SEMA6A: variants seen among roughly 807,000 people sequenced by gnomAD.
SEMA6A encodes semaphorin-6A.
In SEMA6A, 25 loss-of-function variants were observed where a neutral mutation model predicts 96.8. The ratio of observed to expected loss-of-function variants is 0.26; its 90% CI spans 0.19 to 0.36. The LOEUF (loss-of-function observed/expected upper bound fraction) is 0.36, where lower values mean the gene tolerates loss of function less well. Ranked by LOEUF, SEMA6A falls within the 10% of genes least tolerant of loss-of-function variation. The pLI, the probability that SEMA6A is intolerant of heterozygous loss-of-function variation, is 1.00. For synonymous variants in SEMA6A, 612 were observed against 518.0 expected, an observed-to-expected ratio of 1.18 and a Z score of -2.46; for missense variants, 1,363 against 1,323.1, an observed-to-expected ratio of 1.03 and a Z score of -0.47.
At chr5:116,554,209 T>C (rs1760521435) in intron 1 of SEMA6A, among the ~76,000 whole-genome samples, 1 of 152,182 alleles carries the variant, frequency 6.6e-6, no homozygotes. Flanking sequence ...TCCAATAGTA[T>C]TAATAATAAG....
At position 116,447,741 on chromosome 5, in the gene SEMA6A, G is replaced by T. The variant is rs1295167141; in HGVS notation, c.1965C>A (p.Val655=). The change falls in exon 19 of 19, where the codon GTC becomes GTA. Residue 655 remains valine (V), a synonymous_variant. Transcript: ENST00000343348. ...CGGCCCCCATGACGAAAGCCAGGATGACTGCAATGGCCAAGAGGGTGACGG... is the reference window on the plus strand; with the variant it reads ...CGGCCCCCATGACGAAAGCCAGGATTACTGCAATGGCCAAGAGGGTGACGG... ...LVPVTLLAIA[V]ILAFVMGAVF... 6.2e-7 allele frequency: 1 copy of T among 1,613,902 alleles called. No individual in the cohort carries two copies. Among genetic ancestry groups the T allele is most frequent in the Non-Finnish European group, 8.5e-7 (1 of 1,179,802 alleles).
Position 116,496,252 on chromosome 5 carries a change from T to G in SEMA6A, c.341A>C (p.Lys114Thr), listed in dbSNP as rs774419996. ...GCAGGAGAAATGAAAATTGCCTACC[T>G]TATGTTTTCCCTTCATTCTGCATGT... ...VDTCRMKGKH[K>T]DECHNFIKVL... The change falls in exon 5 of 19, where the codon AAG (lysine) becomes ACG (threonine). Residue 114 changes from lysine (K) to threonine (T), a missense_variant and splice_region_variant. Coordinates refer to ENST00000343348, the MANE Select transcript of SEMA6A (RefSeq NM_020796.5). 1.9e-6 allele frequency: 3 copies of G among 1,612,742 alleles called. No homozygotes were observed. The highest frequency in any genetic ancestry group is 2.5e-6 in the Non-Finnish European group (3 of 1,179,436).
chr5:116,491,487 C>T (rs964875770), intron 7 of SEMA6A, among the ~76,000 whole-genome samples: 6 of 151,970 alleles, frequency 3.9e-5, no homozygotes, highest in African/African-American at 1.5e-4. Context: ...CAAACATTCC[C>T]TAACTGATCC....
chr5:116,451,338 C>G (rs899597877), intron 18 of SEMA6A, among the ~76,000 whole-genome samples: 3 of 152,140 alleles, frequency 2.0e-5, no homozygotes, highest in Non-Finnish European at 2.9e-5. Flanking sequence ...CCATTGGATT[C>G]CATTTGCTAT....
At chr5:116,478,937 T>TGC (rs2112689646) in intron 12 of SEMA6A, among the ~76,000 whole-genome samples, 1 of 149,644 alleles carries the variant, frequency 6.7e-6, no homozygotes, top group South Asian at 2.1e-4. Context: ...AGAGTGTGTG[T>TGC]GTGTGTGTGT....
intron 18 of SEMA6A, among the ~76,000 whole-genome samples, chr5:116,448,307 T>C (rs1754399759): frequency 6.6e-6 from 1 of 152,012 alleles, no homozygotes; most frequent in African/African-American, 2.4e-5. Context: ...ATCAGGCCAC[T>C]GTACTCCAGC....
intron 1 of SEMA6A, among the ~76,000 whole-genome samples, chr5:116,510,770 G>A (rs1758367037): frequency 6.6e-6 from 1 of 152,044 alleles, no homozygotes; most frequent in Admixed American, 6.6e-5. Context: ...TGGTCACTTG[G>A]AGAGGCTGGA....
At chr5:116,499,507 G>A (rs1305318209) in intron 3 of SEMA6A, among the ~76,000 whole-genome samples, 2 of 152,156 alleles carry the variant, frequency 1.3e-5, no homozygotes, top group South Asian at 2.1e-4. Context: ...GCAATGTTGA[G>A]AAGTGTAAAA....
intron 1 of SEMA6A, among the ~76,000 whole-genome samples, chr5:116,518,315 G>A (rs1207687801): frequency 6.6e-6 from 1 of 152,134 alleles, no homozygotes; most frequent in African/African-American, 2.4e-5. Context: ...ATAAAATGGA[G>A]GCAAATGGTT....
intron 18 of SEMA6A, among the ~76,000 whole-genome samples, chr5:116,450,105 T>C (rs111610082): frequency 1.3e-5 from 2 of 152,260 alleles, no homozygotes; most frequent in Non-Finnish European, 2.9e-5. Context: ...TGATTATGTA[T>C]GGGGTTCTAC....
At chr5:116,562,320 AG>A in intron 1 of SEMA6A, among the ~76,000 whole-genome samples, 1 of 152,364 alleles carries the variant, frequency 6.6e-6, no homozygotes, top group South Asian at 2.1e-4. Context: ...ATATGCTATT[AG>A]GGTTTTGTAT....
intron 18 of SEMA6A, among the ~76,000 whole-genome samples, chr5:116,455,572 G>A (rs1008011826): frequency 1.3e-5 from 2 of 152,134 alleles, no homozygotes; most frequent in African/African-American, 4.8e-5. Context: ...GCCACAAAAT[G>A]GAGAAGTGGA....
chr5:116,542,079 A>G (rs920099296), intron 1 of SEMA6A, among the ~76,000 whole-genome samples: 3 of 152,224 alleles, frequency 2.0e-5, no homozygotes, highest in Non-Finnish European at 4.4e-5. Context: ...CTGGGGAACC[A>G]TCAGGCATTT....
At chr5:116,475,406 T>C (rs900917080) in intron 16 of SEMA6A, 139 bp downstream of exon 16, 2 of 546,786 alleles carry the variant, frequency 3.7e-6, no homozygotes, top group Non-Finnish European at 6.4e-6. Context: ...CTTTGTTTGG[T>C]ATTTAGAAGA....
chr5:116,505,878 GAA>G (rs11290509), intron 1 of SEMA6A, among the ~76,000 whole-genome samples: 310 of 144,766 alleles, frequency 2.1e-3, no homozygotes, highest in East Asian at 0.014. Flanking sequence ...TGGATACAGT[GAA>G]AAAAAAAAAA....
chr5:116,528,335 G>T (rs1250036547), intron 1 of SEMA6A, among the ~76,000 whole-genome samples: 1 of 152,156 alleles, frequency 6.6e-6, no homozygotes, highest in Non-Finnish European at 1.5e-5. Context: ...TTAAAGGGAA[G>T]TACAATCCCA....
At chr5:116,515,941 C>G (rs1238236803) in intron 1 of SEMA6A, among the ~76,000 whole-genome samples, 1 of 152,170 alleles carries the variant, frequency 6.6e-6, no homozygotes, top group East Asian at 1.9e-4. Context: ...TTTGACCTAA[C>G]CCTATAAATC....
chr5:116,452,127 GAACAA>G (rs1474419659), intron 18 of SEMA6A, among the ~76,000 whole-genome samples: 1 of 152,180 alleles, frequency 6.6e-6, no homozygotes, highest in African/African-American at 2.4e-5. Context: ...ACTGCAGAGA[GAACAA>G]TCAGAGTTGG....
At chr5:116,490,266 T>C (rs1757267525) in intron 7 of SEMA6A, among the ~76,000 whole-genome samples, 1 of 152,182 alleles carries the variant, frequency 6.6e-6, no homozygotes, top group South Asian at 2.1e-4. Context: ...ATCATAACTT[T>C]TCTTATGGAT....
Sources: gnomAD v4.1 joint callset for allele counts (sites outside exome capture counted in the v4.1 genomes callset) on GRCh38, gnomAD v4.1.1 for gene constraint, MANE v1.5 for transcripts, NCBI Gene and HGNC (gene_info 2026-07-23, HGNC 2026-07-21) for gene names.